Variants in RPS6KA2 observed in about 807,000 individuals in gnomAD.
RPS6KA2 encodes the protein ribosomal protein S6 kinase alpha-2.
RPS6KA2 carries 42 observed loss-of-function variants against 91.8 expected under a neutral mutation model. That is an observed-to-expected ratio of 0.46 (90% CI 0.36 to 0.59). The LOEUF is 0.59. RPS6KA2 is among the 20% of genes least tolerant of loss of function. The pLI is 0.00. For synonymous variants in RPS6KA2, 414 were observed against 393.6 expected, an observed-to-expected ratio of 1.05 and a Z score of -0.61; for missense variants, 798 against 978.5, an observed-to-expected ratio of 0.82 and a Z score of 2.46.
intron 2 of RPS6KA2, among the ~76,000 whole-genome samples, chr6:166,823,925 G>A (rs1476873728): frequency 6.6e-6 from 1 of 152,154 alleles, no homozygotes; most frequent in Non-Finnish European, 1.5e-5. Flanking sequence ...TTCTGCTGTT[G>A]GGAGTATAAA....
intron 2 of RPS6KA2, among the ~76,000 whole-genome samples, chr6:166,632,645 C>A (rs1368529051): frequency 2.0e-5 from 3 of 151,782 alleles, no homozygotes; most frequent in African/African-American, 7.3e-5. Context: ...GTCAATTATA[C>A]CTCAACAAAG....
chr6:166,432,446 G>A lies in RPS6KA2; in HGVS notation c.1377C>T (p.Ile459=), dbSNP rs1779166744. 1 of 1,613,888 alleles carries A rather than the reference G, an allele frequency of 6.2e-7. No homozygotes were observed. The highest frequency in any genetic ancestry group is 8.5e-7 in the Non-Finnish European group (1 of 1,179,788). ...SKRDPSEEIE[I]LLRYGQHPNI... is the part of the protein sequence containing the mutation. ...TCGGGTGCTGGCCGTACCGCAGGAG[G>A]ATCTCAATCTCTTCCGAGGGGTCTC... Residue 459 remains isoleucine, a synonymous_variant, in exon 15 of 21, where the codon ATC becomes ATT. Transcript: ENST00000265678.
At chr6:166,693,305 C>T (rs1038344872) in intron 2 of RPS6KA2, among the ~76,000 whole-genome samples, 1 of 152,232 alleles carries the variant, frequency 6.6e-6, no homozygotes, top group Non-Finnish European at 1.5e-5. Context: ...GGCTGCAGAT[C>T]AAGCTGCTAA....
At chr6:166,690,490 C>T (rs1449494065) in intron 2 of RPS6KA2, among the ~76,000 whole-genome samples, 1 of 152,198 alleles carries the variant, frequency 6.6e-6, no homozygotes, top group East Asian at 1.9e-4. Context: ...CTCAAGGTGC[C>T]AAACAGCTTT....
chr6:166,663,797 G>A (rs753286774), intron 2 of RPS6KA2, among the ~76,000 whole-genome samples: 18 of 152,198 alleles, frequency 1.2e-4, no homozygotes, highest in Non-Finnish European at 2.2e-4. Context: ...AGGCTTCGGC[G>A]CTGCACCCAC....
At chr6:166,848,749 C>T (rs1311102383) in intron 2 of RPS6KA2, among the ~76,000 whole-genome samples, 2 of 150,344 alleles carry the variant, frequency 1.3e-5, no homozygotes, top group Admixed American at 6.6e-5. Flanking sequence ...TGGGAACTCA[C>T]GGGAAGGGGT....
At chr6:166,607,921 G>A (rs1583321716) in intron 1 of RPS6KA2, among the ~76,000 whole-genome samples, 1 of 151,988 alleles carries the variant, frequency 6.6e-6, no homozygotes, top group Non-Finnish European at 1.5e-5. Context: ...GAGGCAGGAG[G>A]ATCACTTAAG....
chr6:166,758,283 G>A lies in RPS6KA2; in HGVS notation c.123+99917C>T, dbSNP rs548105748. Among the ~76,000 whole-genome samples, 10 of 152,302 alleles carry A rather than the reference G, an allele frequency of 6.6e-5. No individual in the cohort carries two copies. In the South Asian group the frequency reaches 1.0e-3, roughly 16 times the overall value. On this transcript the variant is annotated intron_variant, in intron 2 of 21. Coordinates refer to the RPS6KA2 transcript ENST00000503859. ...TATTACCCCTCCAGATGATGCCTCC[G>A]CCCCAGAGACACAGGCACGTGCACA...
At chr6:166,607,174 T>C (rs10214670) in intron 1 of RPS6KA2, among the ~76,000 whole-genome samples, 45,462 of 146,972 alleles carry the variant, frequency 0.31, 7,704 homozygotes, top group East Asian at 0.49. Context: ...CATCTATCAC[T>C]GCTGGGTGGG....
chr6:166,577,224 GA>G (rs1784861347), intron 1 of RPS6KA2, among the ~76,000 whole-genome samples: 1 of 152,234 alleles, frequency 6.6e-6, no homozygotes, highest in Non-Finnish European at 1.5e-5. Flanking sequence ...GGGCAGTGCA[GA>G]AGGGAAATGT....
intron 2 of RPS6KA2, among the ~76,000 whole-genome samples, chr6:166,832,901 T>C (rs563524862): frequency 6.6e-6 from 1 of 152,362 alleles, no homozygotes; most frequent in East Asian, 1.9e-4. Flanking sequence ...AAATTTTAAT[T>C]ATAATGTTCA....
At chr6:166,598,509 C>G (rs1365843094) in intron 1 of RPS6KA2, among the ~76,000 whole-genome samples, 1 of 152,188 alleles carries the variant, frequency 6.6e-6, no homozygotes, top group Non-Finnish European at 1.5e-5. Context: ...CATTGCAAAA[C>G]CAATTCTGGA....
intron 2 of RPS6KA2, among the ~76,000 whole-genome samples, chr6:166,753,359 T>A (rs1008164847): frequency 6.6e-6 from 1 of 152,248 alleles, no homozygotes; most frequent in East Asian, 1.9e-4. Context: ...ATTTTAGTTA[T>A]AACTTCAGAA....
At chr6:166,538,938 TTC>T (rs1410740261) in intron 1 of RPS6KA2, among the ~76,000 whole-genome samples, 154 bp from the exon 2 acceptor site, 2 of 152,080 alleles carry the variant, frequency 1.3e-5, no homozygotes, top group African/African-American at 4.8e-5. Context: ...TTGTGTTTTT[TTC>T]TTTTTTTTTT....
intron 2 of RPS6KA2, chr6:166,701,424 T>G (rs1789515525): frequency 1.6e-6 from 2 of 1,250,558 alleles, no homozygotes; most frequent in Non-Finnish European, 2.4e-6. Flanking sequence ...TTTCCATAAT[T>G]CTTCCCTGAG....
intron 16 of RPS6KA2, among the ~76,000 whole-genome samples, chr6:166,428,683 A>C (rs1397628106): frequency 6.6e-6 from 1 of 151,870 alleles, no homozygotes; most frequent in Non-Finnish European, 1.5e-5. Context: ...ACATTTATGC[A>C]GCCAAAAAAC....
At chr6:166,485,130 G>T (rs1211240404) in intron 10 of RPS6KA2, among the ~76,000 whole-genome samples, 12 of 152,230 alleles carry the variant, frequency 7.9e-5, no homozygotes, top group Admixed American at 7.9e-4. Flanking sequence ...AGGGCTGTGT[G>T]GGGGAGGCTG....
intron 4 of RPS6KA2, among the ~76,000 whole-genome samples, chr6:166,509,898 T>C (rs1782403175): frequency 3.3e-5 from 5 of 152,358 alleles, no homozygotes; most frequent in Middle Eastern, 3.4e-3. Flanking sequence ...AATGAGGTGT[T>C]ACCATTTCTG....
chr6:166,716,112 A>G (rs1790007950), intron 2 of RPS6KA2, among the ~76,000 whole-genome samples: 1 of 150,560 alleles, frequency 6.6e-6, no homozygotes, highest in African/African-American at 2.4e-5. Flanking sequence ...AGTCATTGTA[A>G]GGTTTTGGAA....
Sources: gnomAD v4.1 joint callset for allele counts (sites outside exome capture counted in the v4.1 genomes callset) on GRCh38, gnomAD v4.1.1 for gene constraint, MANE v1.5 for transcripts, NCBI Gene and HGNC (gene_info 2026-07-23, HGNC 2026-07-21) for gene names.